Variants in SNTG1 observed in about 807,000 individuals in gnomAD.
SNTG1 encodes syntrophin gamma 1, also known as gamma-1-syntrophin.
SNTG1 carries 39 observed loss-of-function variants against 74.7 expected under a neutral mutation model. The observed-to-expected ratio is 0.52, with a 90% CI of 0.40 to 0.68. The LOEUF (loss-of-function observed/expected upper bound fraction) is 0.68, where lower values mean the gene tolerates loss of function less well. SNTG1 is among the 30% of genes least tolerant of loss of function. The probability of loss-of-function intolerance (pLI) is 0.00; values close to 1 mark genes in which losing one functional copy is unlikely to be tolerated. For synonymous variants in SNTG1, 254 were observed against 217.1 expected (o/e 1.17, Z -1.49); for missense variants, 685 against 609.5 (o/e 1.12, Z -1.30).
At chr8:49,992,757 G>A (rs1192618316) in intron 1 of SNTG1, among the ~76,000 whole-genome samples, 1 of 152,096 alleles carries the variant, frequency 6.6e-6, no homozygotes, top group African/African-American at 2.4e-5. Flanking sequence ...TTTAGTAATG[G>A]ACCTCTTGAG....
chr8:50,319,573 T>G (rs983321906), intron 2 of SNTG1, among the ~76,000 whole-genome samples: 19 of 152,332 alleles, frequency 1.2e-4, no homozygotes, highest in Admixed American at 1.1e-3. Flanking sequence ...TTATCTTGTC[T>G]GATTAATCTA....
intron 13 of SNTG1, among the ~76,000 whole-genome samples, chr8:50,652,469 T>C (rs77767744): frequency 9.2e-5 from 14 of 152,294 alleles, no homozygotes; most frequent in African/African-American, 3.4e-4. Flanking sequence ...TCTTTTGTTG[T>C]AGTTCCATCC....
intron 1 of SNTG1, among the ~76,000 whole-genome samples, chr8:50,126,378 C>A (rs538529613): frequency 1.8e-4 from 27 of 151,864 alleles, no homozygotes; most frequent in Non-Finnish European, 3.4e-4. Flanking sequence ...GGTTTGAATG[C>A]AAGGAAAAGA....
intron 15 of SNTG1, among the ~76,000 whole-genome samples, chr8:50,691,280 A>G (rs2095377837): frequency 6.6e-6 from 1 of 152,106 alleles, no homozygotes; most frequent in Non-Finnish European, 1.5e-5. Context: ...TGTGTATTTG[A>G]TCCTGTCATT....
intron 9 of SNTG1, among the ~76,000 whole-genome samples, chr8:50,518,325 A>G (rs1045001880): frequency 3.3e-5 from 5 of 152,232 alleles, no homozygotes; most frequent in African/African-American, 7.2e-5. Flanking sequence ...AGGGAAATTT[A>G]TAGCACTAAT....
intron 8 of SNTG1, among the ~76,000 whole-genome samples, chr8:50,489,860 C>T (rs1028864566): frequency 1.3e-5 from 2 of 152,218 alleles, no homozygotes; most frequent in Admixed American, 1.3e-4. Context: ...TATGTCCTGA[C>T]TGGTATTGCC....
intron 2 of SNTG1, among the ~76,000 whole-genome samples, chr8:50,227,462 C>A (rs989851785): frequency 6.6e-6 from 1 of 152,116 alleles, no homozygotes; most frequent in Non-Finnish European, 1.5e-5. Context: ...GTATCAAATG[C>A]AGAATGGTAT....
chr8:49,939,264 A>T (rs892850719), intron 1 of SNTG1, among the ~76,000 whole-genome samples: 2 of 152,188 alleles, frequency 1.3e-5, no homozygotes, highest in African/African-American at 4.8e-5. Flanking sequence ...TTGGCAACTA[A>T]ATTTGTATCT....
At chr8:50,729,667 G>A (rs1021743501) in intron 17 of SNTG1, among the ~76,000 whole-genome samples, 7 of 152,058 alleles carry the variant, frequency 4.6e-5, no homozygotes, top group Non-Finnish European at 8.8e-5. Flanking sequence ...TAGTATTCAC[G>A]GCAGAGAAAT....
At chr8:50,776,948 T>G (rs1415842038) in intron 18 of SNTG1, among the ~76,000 whole-genome samples, 1 of 151,914 alleles carries the variant, frequency 6.6e-6, no homozygotes, top group Non-Finnish European at 1.5e-5. Flanking sequence ...AGAAATTCTC[T>G]GTCATTTGAC....
intron 1 of SNTG1, among the ~76,000 whole-genome samples, chr8:50,019,474 T>G (rs1185442298): frequency 6.6e-6 from 1 of 152,060 alleles, no homozygotes; most frequent in African/African-American, 2.4e-5. Flanking sequence ...CACTTCCCCC[T>G]TGTTCTTAAT....
chr8:50,382,300 T>G (rs981476437), intron 2 of SNTG1: 1 of 152,300 alleles, frequency 6.6e-6, no homozygotes, highest in African/African-American at 2.4e-5. Flanking sequence ...GTTTTTATAG[T>G]ATAACATAGA....
chr8:50,648,143 A>G (rs1466148638), intron 13 of SNTG1, among the ~76,000 whole-genome samples: 1 of 152,148 alleles, frequency 6.6e-6, no homozygotes, highest in Non-Finnish European at 1.5e-5. Flanking sequence ...ACATGTAGAT[A>G]TATCCCTCAC....
chr8:50,445,305 T>C (rs898803322), intron 5 of SNTG1, among the ~76,000 whole-genome samples: 3 of 152,224 alleles, frequency 2.0e-5, no homozygotes, highest in Admixed American at 1.3e-4. Context: ...TTATTCTGTT[T>C]ACAAGTAGTT....
At chr8:50,604,483 A>G (rs2094798159) in intron 13 of SNTG1, among the ~76,000 whole-genome samples, 1 of 152,122 alleles carries the variant, frequency 6.6e-6, no homozygotes, top group South Asian at 2.1e-4. Context: ...CATGGCTAAG[A>G]TGGACCTCAA....
At chr8:50,308,760 T>C (rs191150034) in intron 2 of SNTG1, among the ~76,000 whole-genome samples, 1 of 152,330 alleles carries the variant, frequency 6.6e-6, no homozygotes, top group Admixed American at 6.5e-5. Context: ...TTCCCAATTG[T>C]CCATAGATAT....
Position 50,128,529 on chromosome 8 carries a change from C to A in SNTG1, c.-102-44032C>A, listed in dbSNP as rs76203814. 4.5e-3 allele frequency among the ~76,000 whole-genome samples: 689 copies of A among 152,214 alleles called. 5 individuals carry two copies. Among genetic ancestry groups the A allele is most frequent in the African/African-American group, 0.016 (645 of 41,562 alleles). On this transcript the variant is annotated intron_variant, in intron 1 of 18. Transcript: ENST00000642720. ...TTACATTCTTTCAAAAATTCCTACA[C>A]ACATGTCCAGATAAATAAACCATAT... is the stretch of plus-strand genomic sequence containing the variant.
intron 18 of SNTG1, among the ~76,000 whole-genome samples, chr8:50,785,534 A>G (rs1585794511): frequency 6.6e-6 from 1 of 152,074 alleles, no homozygotes; most frequent in East Asian, 1.9e-4. Context: ...TTTTTAAAAC[A>G]CTTCCCACAA....
At chr8:50,231,035 C>T (rs10282971) in intron 2 of SNTG1, among the ~76,000 whole-genome samples, 39,564 of 150,962 alleles carry the variant, frequency 0.26, 5,257 homozygotes, top group South Asian at 0.37. Flanking sequence ...AGGAACTCAA[C>T]TAACTCTAAA....
Sources: gnomAD v4.1 joint callset for allele counts (sites outside exome capture counted in the v4.1 genomes callset) on GRCh38, gnomAD v4.1.1 for gene constraint, MANE v1.5 for transcripts, NCBI Gene and HGNC (gene_info 2026-07-23, HGNC 2026-07-21) for gene names.